DNHD1: variants seen among roughly 807,000 people sequenced by gnomAD.
DNHD1 encodes the protein dynein heavy chain domain-containing protein 1.
DNHD1 carries 383 observed loss-of-function variants against 458.1 expected under a neutral mutation model. That is an observed-to-expected ratio of 0.84 (90% confidence interval 0.77 to 0.91). DNHD1 has a LOEUF of 0.91. Among genes scored for constraint, DNHD1 ranks in the 40% least tolerant of loss-of-function variants. DNHD1 has a pLI of 0.00. For missense variants in DNHD1, 5,336 were observed against 5,866.1 expected, an observed-to-expected ratio of 0.91 and a Z score of 2.95; for synonymous variants, 2,203 against 2,376.9, an observed-to-expected ratio of 0.93 and a Z score of 2.13.
chr11:6,564,031 G>A lies in DNHD1; in HGVS notation c.10191G>A (p.Lys3397=). ...DAQASHNCVA[K]TLSQAQCGQY... ...AAGCTTCCCACAACTGCGTGGCAAA[G>A]ACCCTCAGTCAAGCACAGTGTGGGC... The change falls in exon 31 of 43, where the codon AAG becomes AAA. Residue 3397 remains lysine (K), a synonymous_variant. Coordinates refer to ENST00000254579, the MANE Select transcript of DNHD1 (RefSeq NM_144666.3). The A allele has an allele frequency of 6.4e-7, 1 of 1,551,728 alleles. No homozygotes were observed. The highest frequency in any genetic ancestry group is 8.7e-7 in the Non-Finnish European group (1 of 1,147,010).
In DNHD1 at chr11:6,546,527, G is replaced by A. The variant is rs916007707; in HGVS notation, c.5588G>A (p.Arg1863His). The A allele has an allele frequency of 1.9e-5, 30 of 1,551,340 alleles. No individual in the cohort carries two copies. The highest frequency in any genetic ancestry group is 7.8e-5 in the Admixed American group (4 of 51,008). The change falls in exon 21 of 43, where the codon CGT becomes CAT. Residue 1863 changes from arginine (R) to histidine (H), a missense_variant. Around this residue, in one of 4 missense-constraint regions of DNHD1, gnomAD observed 3,932 missense variants for 4,365.6 expected, o/e 0.90. Transcript: ENST00000254579. ...TRLSKFFSLE[R>H]ELVSGPLPCR... ...CTATCCAAATTCTTCTCTCTAGAGC[G>A]TGAGCTGGTGTCTGGGCCCCTGCCC...
rs929548279 is a variant in DNHD1 at position 6,533,858 on chromosome 11, C to T, written c.2683C>T (p.Gln895Ter). 5.6e-5 allele frequency: 87 copies of T among 1,551,078 alleles called. 1 individual carries two copies. The Admixed American group carries it at 1.6e-3, about 29-fold the overall frequency. Residue 895 changes from glutamine (Q) to a stop codon, truncating the protein, a stop_gained, in exon 14 of 43, where the codon CAA becomes TAA. Coordinates refer to ENST00000254579, the MANE Select transcript of DNHD1 (RefSeq NM_144666.3). LOFTEE classifies it high-confidence loss of function. ...CATCCCTCCCTGCCCTCCTCCCCCA[C>T]AACCACATCTACTCCACTGCCCTCT... ...SPIPPCPPPPQPHLLHCPLLA... is the reference protein window; with the variant it reads ...SPIPPCPPPP
At chr11:6,533,275 C>T in intron 13 of DNHD1, 91 bp downstream of exon 13, 1 of 1,298,582 alleles carries the variant, frequency 7.7e-7, no homozygotes, top group Non-Finnish European at 1.1e-6. Context: ...TGCTGAGCCC[C>T]CAGCAGAGCT....
rs1191921821 is a variant in DNHD1 at position 6,533,990 on chromosome 11, C to T, written c.2815C>T (p.Gln939Ter). Residue 939 changes from glutamine to a stop codon, truncating the protein, a stop_gained, in exon 14 of 43, where the codon CAG becomes TAG. Transcript: ENST00000254579. LOFTEE classifies it high-confidence loss of function. ...ACATGCCATTATGCCCAAGCTGCAG[C>T]AGCTGATGGCAGCAGCATTGGCAGA... The part of the protein sequence containing the change: ...KRHAIMPKLQ[Q>*]LMAAALAELE... 2.6e-6 allele frequency: 4 copies of T among 1,551,436 alleles called. No homozygotes were observed. Among genetic ancestry groups the T allele is most frequent in the Non-Finnish European group, 2.6e-6 (3 of 1,146,950 alleles).
intron 10 of DNHD1, among the ~76,000 whole-genome samples, chr11:6,521,774 C>T (rs891128058): frequency 1.3e-5 from 2 of 152,166 alleles, no homozygotes; most frequent in Non-Finnish European, 2.9e-5. Flanking sequence ...ACTCTGTCAT[C>T]CAGGCTGAAG....
rs953252078 is a variant in DNHD1, at chr11:6,571,202, C to T, written c.13690C>T (p.Arg4564Cys). The T allele has an allele frequency of 1.2e-6, 2 of 1,606,064 alleles. No homozygotes were observed. Among genetic ancestry groups the T allele is most frequent in the South Asian group, 1.1e-5 (1 of 90,772 alleles). The part of the protein sequence containing the change: ...QLSRRGQLLV[R>C]YLGVGADASS... ...GTCGCGCCGTGGGCAACTGTTGGTT[C>T]GTTACTTGGGCGTGGGCGCGGACGC... The change falls in exon 42 of 43, where the codon CGT becomes TGT. Residue 4564 changes from arginine to cysteine, a missense_variant. Arg to Cys is a radical substitution (Grantham distance 180). Around this residue, in one of 4 missense-constraint regions of DNHD1, gnomAD observed 698 missense variants for 664.9 expected, o/e 1.05. Coordinates refer to ENST00000254579, the MANE Select transcript of DNHD1 (RefSeq NM_144666.3). The surrounding 1 kb of genome is among the most constrained non-coding windows in gnomAD (Gnocchi z 5.0).
intron 14 of DNHD1, among the ~76,000 whole-genome samples, chr11:6,536,062 C>T (rs1360813058): frequency 1.3e-5 from 2 of 152,074 alleles, no homozygotes; most frequent in Admixed American, 1.3e-4. Context: ...TACAATATCA[C>T]TTATGTAGTA....
rs779950496 is a variant in DNHD1, at chr11:6,571,305, G to A, written c.13793G>A (p.Gly4598Glu). 14 of 1,612,206 alleles carry A rather than the reference G, an allele frequency of 8.7e-6. No individual in the cohort carries two copies. Among genetic ancestry groups the A allele is most frequent in the Non-Finnish European group, 1.2e-5 (14 of 1,179,616 alleles). ...HPRRLLLALR[G>E]EAALDQNVPS... is the part of the protein sequence containing the mutation. ...CGCCGCCTGCTGCTGGCATTGCGTG[G>A]GGAAGCTGCCCTGGACCAGAATGTG... is the stretch of plus-strand genomic sequence containing the variant. Residue 4598 changes from glycine to glutamate, a missense_variant, in exon 42 of 43, where the codon GGG (glycine) becomes GAG (glutamate). Gly to Glu is a moderately conservative substitution (Grantham distance 98). Around this residue, in one of 4 missense-constraint regions of DNHD1, gnomAD observed 698 missense variants for 664.9 expected, o/e 1.05. Transcript: ENST00000254579. The surrounding 1 kb of genome is among the most constrained non-coding windows in gnomAD (Gnocchi z 5.0).
rs373550147 is a variant in DNHD1, at chr11:6,559,118, G to A, written c.9416+12G>A. 2.9e-4 allele frequency: 454 copies of A among 1,551,612 alleles called. 6 individuals carry two copies. The South Asian group carries it at 4.8e-3, about 16-fold the overall frequency. On this transcript the variant is annotated intron_variant, in intron 27 of 42. Coordinates refer to ENST00000254579, the MANE Select transcript of DNHD1 (RefSeq NM_144666.3). ...AACAAGGCCCAGCGGTGAGTGTCCCGTCCCCTGCAGTGTACCTCCTTCTGC... is the reference window on the plus strand; with the variant it reads ...AACAAGGCCCAGCGGTGAGTGTCCCATCCCCTGCAGTGTACCTCCTTCTGC...
rs143195002 is a variant in DNHD1, at chr11:6,518,936, A to G, written c.1393-664A>G. Reference sequence around the variant, plus strand: ...CTAGGGAGCATCAAAAGGAACAGGAAAGCAGGGAAGACAAAGGATCCATCT... The same window carrying G: ...CTAGGGAGCATCAAAAGGAACAGGAGAGCAGGGAAGACAAAGGATCCATCT... On this transcript the variant is annotated intron_variant, in intron 7 of 42. Coordinates refer to ENST00000254579, the MANE Select transcript of DNHD1 (RefSeq NM_144666.3). Among the ~76,000 whole-genome samples the G allele has an allele frequency of 8.9e-3, 1,354 of 152,240 alleles. 19 individuals are homozygous for G. The highest frequency in any genetic ancestry group is 0.031 in the African/African-American group (1,273 of 41,538).
Position 6,529,035 on chromosome 11 carries a change from A to G in DNHD1, c.2261A>G (p.Gln754Arg). 6.4e-7 allele frequency: 1 copy of G among 1,551,272 alleles called. No homozygotes were observed. Among genetic ancestry groups the G allele is most frequent in the Non-Finnish European group, 8.7e-7 (1 of 1,147,000 alleles). ...CTGGTGAGCCGCCTGAATGTTTGGC[A>G]GGCCCGTGTCTCCAGTATGCCTATC... ...VTLVSRLNVW[Q>R]ARVSSMPIEL... Residue 754 changes from glutamine (Q) to arginine (R), a missense_variant, in exon 12 of 43, where the codon CAG becomes CGG. Gln to Arg is a conservative substitution (Grantham distance 43). Around this residue, in one of 4 missense-constraint regions of DNHD1, gnomAD observed 3,932 missense variants for 4,365.6 expected, o/e 0.90. Coordinates refer to ENST00000254579, the MANE Select transcript of DNHD1 (RefSeq NM_144666.3).
Position 6,565,775 on chromosome 11 carries a change from G to A in DNHD1, c.10837G>A (p.Glu3613Lys), listed in dbSNP as rs1853680884. ...EEDDESEESN[E>K]AEDQTKEQKA... ...AGATGATGAGAGTGAAGAGAGTAAT[G>A]AGGCTGAGGACCAGACAAAAGAGCA... Residue 3613 changes from glutamate to lysine, a missense_variant, in exon 33 of 43, where the codon GAG becomes AAG. Physicochemically the swap from Glu to Lys is moderately conservative, Grantham distance 56 (BLOSUM62 1). Around this residue, in one of 4 missense-constraint regions of DNHD1, gnomAD observed 695 missense variants for 804.2 expected, o/e 0.86. Coordinates refer to ENST00000254579, the MANE Select transcript of DNHD1 (RefSeq NM_144666.3). 3 of 1,551,530 alleles carry A rather than the reference G, an allele frequency of 1.9e-6. No individual in the cohort carries two copies. The South Asian group carries it at 3.6e-5, about 18-fold the overall frequency.
Position 6,557,147 on chromosome 11 carries a change from A to C in DNHD1, c.7852A>C (p.Asn2618His), listed in dbSNP as rs960264273. The change falls in exon 25 of 43, where the codon AAC (asparagine) becomes CAC (histidine). Residue 2618 changes from asparagine (N) to histidine (H), a missense_variant. Asn to His is a moderately conservative substitution (Grantham distance 68). This residue lies in a region of DNHD1 where 3,932 missense variants were observed against 4,365.6 expected (regional missense o/e 0.90). Transcript: ENST00000254579. ...CTCCCGAGGTTTTGTGGACTATCCCAACCACCAGGAGCACTTGCGCCGGGT... is the reference window on the plus strand; with the variant it reads ...CTCCCGAGGTTTTGTGGACTATCCCCACCACCAGGAGCACTTGCGCCGGGT... ...TGSRGFVDYP[N>H]HQEHLRRVSG... 1.3e-5 allele frequency: 20 copies of C among 1,551,588 alleles called. No homozygotes were observed. The highest frequency in any genetic ancestry group is 3.3e-4 in the Middle Eastern group (2 of 6,014).
rs1174969074 is a variant in DNHD1, at chr11:6,559,045, C to T, written c.9355C>T (p.Leu3119=). ...CACCCCCAAGACCTTCCTAGACTTC[C>T]TGGACACTTTCCTGATGCTGCAGCA... is the stretch of plus-strand genomic sequence containing the variant. ...LVTPKTFLDF[L]DTFLMLQQQT... Residue 3119 remains leucine, a synonymous_variant, in exon 27 of 43, where the codon CTG becomes TTG. Coordinates refer to ENST00000254579, the MANE Select transcript of DNHD1 (RefSeq NM_144666.3). 1.9e-6 allele frequency: 3 copies of T among 1,551,696 alleles called. No individual in the cohort carries two copies. The highest frequency in any genetic ancestry group is 2.0e-5 in the Admixed American group (1 of 51,004).
Position 6,557,561 on chromosome 11 carries a change from G to C in DNHD1, c.8266G>C (p.Val2756Leu). ...DPSLTPSIGP[V>L]SRGMKESISH... ...AAGTCTAACACCATCCATAGGACCA[G>C]TAAGCAGGGGGATGAAGGAAAGCAT... The change falls in exon 25 of 43, where the codon GTA becomes CTA. Residue 2756 changes from valine (V) to leucine (L), a missense_variant. Coordinates refer to ENST00000254579, the MANE Select transcript of DNHD1 (RefSeq NM_144666.3). 1 of 1,551,800 alleles carries C rather than the reference G, an allele frequency of 6.4e-7. No homozygotes were observed. Among genetic ancestry groups the C allele is most frequent in the Non-Finnish European group, 8.7e-7 (1 of 1,147,014 alleles).
At chr11:6,523,177 T>TCTCTTGA (rs1852637721) in intron 10 of DNHD1, among the ~76,000 whole-genome samples, 1 of 152,228 alleles carries the variant, frequency 6.6e-6, no homozygotes, top group East Asian at 1.9e-4. Context: ...AGACAAAGGA[T>TCTCTTGA]TGCCTAATTT....
At chr11:6,522,112 T>C (rs186566529) in intron 10 of DNHD1, among the ~76,000 whole-genome samples, 2 of 152,354 alleles carry the variant, frequency 1.3e-5, no homozygotes, top group Non-Finnish European at 1.5e-5. Context: ...CTTTTGTTCA[T>C]ATGCTTGTTG....
At chr11:6,550,476 G>C (rs552084035) in intron 24 of DNHD1, among the ~76,000 whole-genome samples, 123 of 152,222 alleles carry the variant, frequency 8.1e-4, no homozygotes, top group Non-Finnish European at 1.4e-3. Context: ...AGGTGTCCTT[G>C]AGTGACAACC....
At chr11:6,558,816 C>T in intron 26 of DNHD1, 86 bp from the exon 27 acceptor site, 2 of 1,512,690 alleles carry the variant, frequency 1.3e-6, no homozygotes, top group Non-Finnish European at 1.8e-6. Flanking sequence ...ATTTCCTACC[C>T]TTCTTCCTGA....
Sources: gnomAD v4.1 joint callset for allele counts (sites outside exome capture counted in the v4.1 genomes callset) on GRCh38, gnomAD v4.1.1 for gene constraint, gnomAD v4.1.1 regional missense constraint, Gnocchi (gnomAD v3.1) non-coding constraint, MANE v1.5 for transcripts, NCBI Gene and HGNC (gene_info 2026-07-23, HGNC 2026-07-21) for gene names.